HSP90B1: variants seen among roughly 807,000 people sequenced by gnomAD.
The protein encoded by HSP90B1 is heat shock protein 90 beta family member 1.
HSP90B1 carries 27 observed loss-of-function variants against 100.4 expected under a neutral mutation model. The ratio of observed to expected loss-of-function variants is 0.27; its 90% CI spans 0.20 to 0.37. HSP90B1 has a LOEUF of 0.37. HSP90B1 is among the 10% of genes least tolerant of loss of function. The pLI is 1.00. For missense variants in HSP90B1, 678 were observed against 960.5 expected (o/e 0.71, Z 3.89); for synonymous variants, 304 against 330.8 (o/e 0.92, Z 0.88).
chr12:103,932,731 G>A (rs1869803691), intron 3 of HSP90B1, 95 bp from the exon 4 acceptor site: 1 of 739,806 alleles, frequency 1.4e-6, no homozygotes, highest in African/African-American at 1.7e-5. Flanking sequence ...GCTTTTATAA[G>A]GTACAGAGAA....
At chr12:103,945,348 G>A (rs963219436) in intron 14 of HSP90B1, among the ~76,000 whole-genome samples, 4 of 152,072 alleles carry the variant, frequency 2.6e-5, no homozygotes, top group East Asian at 3.9e-4. Flanking sequence ...GTCATAATCC[G>A]AGCCCTACAT....
intron 7 of HSP90B1, 59 bp downstream of exon 7, chr12:103,938,518 G>T: frequency 6.4e-7 from 1 of 1,557,412 alleles, no homozygotes; most frequent in South Asian, 1.2e-5. Flanking sequence ...GCAAAACCAG[G>T]AAAACCTAAG....
chr12:103,947,244 A>G (rs921133237), intron 16 of HSP90B1, 67 bp from the exon 17 acceptor site: 1 of 1,509,744 alleles, frequency 6.6e-7, no homozygotes, highest in Non-Finnish European at 8.8e-7. Flanking sequence ...TTATGATTTT[A>G]TACATATAAA....
intron 14 of HSP90B1, among the ~76,000 whole-genome samples, chr12:103,944,128 G>A (rs984089692): frequency 6.6e-6 from 1 of 152,128 alleles, no homozygotes; most frequent in Non-Finnish European, 1.5e-5. Flanking sequence ...GTTATGCATA[G>A]TCTTTACTTT....
chr12:103,942,274 A>G (rs1049765747), intron 11 of HSP90B1, among the ~76,000 whole-genome samples: 5 of 152,214 alleles, frequency 3.3e-5, no homozygotes, highest in African/African-American at 1.2e-4. Flanking sequence ...CACTTCATTT[A>G]GATGCTAGAG....
At chr12:103,947,055 A>G (rs2136218236) in intron 16 of HSP90B1, 114 bp downstream of exon 16, 1 of 1,226,282 alleles carries the variant, frequency 8.2e-7, no homozygotes, top group Non-Finnish European at 1.1e-6. Context: ...CCTAATTTCT[A>G]CCTTTTGAAA....
At chr12:103,933,130 T>A (rs1869814105) in intron 4 of HSP90B1, among the ~76,000 whole-genome samples, 188 bp downstream of exon 4, 2 of 151,968 alleles carry the variant, frequency 1.3e-5, no homozygotes, top group African/African-American at 2.4e-5. Flanking sequence ...TTTATTGGAA[T>A]GCAGCCATGC....
In HSP90B1 at chr12:103,943,050, CTT is replaced by C. The variant is rs771622675; in HGVS notation, c.1645-22_1645-21del. 2.5e-6 allele frequency: 4 copies of C among 1,611,572 alleles called. No individual in the cohort carries two copies. The South Asian group carries it at 3.3e-5, about 13-fold the overall frequency. ...ATACACCAGGGCCAGACTTGGAAAACTTTGTGACTTCTTAATTTTGTAGGCTG... is the reference window on the plus strand; with the variant it reads ...ATACACCAGGGCCAGACTTGGAAAACTGTGACTTCTTAATTTTGTAGGCTG... On this transcript the variant is annotated intron_variant, in intron 12 of 17. Coordinates refer to ENST00000299767, the MANE Select transcript of HSP90B1 (RefSeq NM_003299.3). This position sits in a 1 kb window ranked among gnomAD's most constrained non-coding sequence, Gnocchi z 5.3.
Position 103,946,813 on chromosome 12 carries a change from G to A in HSP90B1, c.2134G>A (p.Asp712Asn), listed in dbSNP as rs1434244856. The A allele has an allele frequency of 6.2e-7, 1 of 1,613,936 alleles. No individual in the cohort carries two copies. The highest frequency in any genetic ancestry group is 8.5e-7 in the Non-Finnish European group (1 of 1,180,030). ...AGATGAAGATGATAAAACAGTTTTG[G>A]ATCTTGCTGTGGTTTTGTTTGAAAC... Reference protein sequence around the residue: ...KEDEDDKTVLDLAVVLFETAT... With the variant: ...KEDEDDKTVLNLAVVLFETAT... The change falls in exon 16 of 18, where the codon GAT (aspartate) becomes AAT (asparagine). Residue 712 changes from aspartate to asparagine, a missense_variant. Physicochemically the swap from Asp to Asn is conservative, Grantham distance 23. Transcript: ENST00000299767.
At chr12:103,942,895 C>A in intron 12 of HSP90B1, 99 bp downstream of exon 12, 1 of 1,473,046 alleles carries the variant, frequency 6.8e-7, no homozygotes, top group Non-Finnish European at 9.3e-7. Flanking sequence ...AATTGTGTAA[C>A]TGGAGTAGTT....
chr12:103,941,320 A>AAT, intron 8 of HSP90B1, 90 bp from the exon 9 acceptor site: 2 of 1,341,196 alleles, frequency 1.5e-6, no homozygotes, highest in Non-Finnish European at 2.0e-6. Flanking sequence ...TAATTGCTAA[A>AAT]CTGAATATGT....
Position 103,938,343 on chromosome 12 carries a change from G to GA in HSP90B1, c.862dup (p.Thr288AsnfsTer3). 1 of 1,547,014 alleles carries GA rather than the reference G, an allele frequency of 6.5e-7. No homozygotes were observed. ...CATAATTCTCTTATTTCAACAGACT[G>GA]AAACTGTTGAGGAGCCCATGGAGGA... On this transcript the variant is annotated frameshift_variant, in exon 7 of 18. Transcript: ENST00000299767. LOFTEE classifies it high-confidence loss of function.
chr12:103,932,515 A>T (rs564460369), intron 3 of HSP90B1, 97 bp downstream of exon 3: 1 of 1,064,696 alleles, frequency 9.4e-7, no homozygotes, highest in African/African-American at 1.6e-5. Context: ...GTAGTATCCA[A>T]GTAAGTAGGT....
chr12:103,942,677 C>T lies in HSP90B1; in HGVS notation c.1525C>T (p.Leu509Phe), dbSNP rs1193244585. The change falls in exon 12 of 18, where the codon CTT (leucine) becomes TTT (phenylalanine). Residue 509 changes from leucine (L) to phenylalanine (F), a missense_variant. Around this residue, in one of 8 missense-constraint regions of HSP90B1, gnomAD observed 170 missense variants for 236.7 expected, o/e 0.72. Transcript: ENST00000299767. ...CTCGAATCGAACACGTCTTGCTAAA[C>T]TTCTTAGGTTCCAGTCTTCTCATCA... ...DHSNRTRLAK[L>F]LRFQSSHHPT... The T allele has an allele frequency of 6.2e-7, 1 of 1,613,846 alleles. No homozygotes were observed. The highest frequency in any genetic ancestry group is 8.5e-7 in the Non-Finnish European group (1 of 1,179,862).
intron 2 of HSP90B1, 165 bp from the exon 3 acceptor site, chr12:103,932,112 C>A: frequency 1.8e-6 from 1 of 551,640 alleles, no homozygotes; most frequent in Non-Finnish European, 3.2e-6. Flanking sequence ...AGGTAGCCTA[C>A]TGCTGTGCTA....
rs1870075770 is a variant in HSP90B1 at position 103,941,446 on chromosome 12, G to A, written c.1129G>A (p.Ala377Thr). 1 of 1,612,768 alleles carries A rather than the reference G, an allele frequency of 6.2e-7. No individual in the cohort carries two copies. The highest frequency in any genetic ancestry group is 1.1e-5 in the South Asian group (1 of 91,020). ...CCCCATGGCTTATATTCACTTTACT[G>A]CTGAAGGGGAAGTTACCTTCAAATC... ...DDPMAYIHFTAEGEVTFKSIL... is the reference protein window; with the variant it reads ...DDPMAYIHFTTEGEVTFKSIL... The change falls in exon 9 of 18, where the codon GCT becomes ACT. Residue 377 changes from alanine to threonine, a missense_variant. Physicochemically the swap from Ala to Thr is moderately conservative, Grantham distance 58. Transcript: ENST00000299767.
intron 14 of HSP90B1, among the ~76,000 whole-genome samples, 163 bp downstream of exon 14, chr12:103,944,037 T>G (rs977152930): frequency 2.0e-5 from 3 of 152,166 alleles, no homozygotes; most frequent in Non-Finnish European, 4.4e-5. Context: ...CTCCTACATT[T>G]GATTGAGAAA....
intron 14 of HSP90B1, among the ~76,000 whole-genome samples, chr12:103,945,428 G>A (rs1870198229): frequency 1.3e-5 from 2 of 152,192 alleles, no homozygotes; most frequent in Non-Finnish European, 2.9e-5. Context: ...AACTAGAGAA[G>A]AGAGAATAAT....
chr12:103,932,438 A>G lies in HSP90B1; in HGVS notation c.294+20A>G. On this transcript the variant is annotated intron_variant, in intron 3 of 17. Coordinates refer to ENST00000299767, the MANE Select transcript of HSP90B1 (RefSeq NM_003299.3). ...AAAGAGGTAAGCAACATGTGGTTAGAATATTTTATCTCTGTATGGTGGCAT... is the reference window on the plus strand; with the variant it reads ...AAAGAGGTAAGCAACATGTGGTTAGGATATTTTATCTCTGTATGGTGGCAT... 1 of 1,594,004 alleles carries G rather than the reference A, an allele frequency of 6.3e-7. No homozygotes were observed. Among genetic ancestry groups the G allele is most frequent in the Non-Finnish European group, 8.6e-7 (1 of 1,167,612 alleles).
Sources: allele counts gnomAD v4.1 joint callset (sites outside exome capture counted in the v4.1 genomes callset), GRCh38; gene constraint gnomAD v4.1.1; regional missense constraint gnomAD v4.1.1; non-coding constraint Gnocchi (gnomAD v3.1); transcripts MANE v1.5; gene names NCBI Gene and HGNC (gene_info 2026-07-23, HGNC 2026-07-21).